The following MARK3 variants were observed in gnomAD, a reference collection of about 807,000 sequenced individuals.
MARK3 encodes the protein microtubule affinity regulating kinase 3.
In MARK3, 46 loss-of-function variants were observed where a neutral mutation model predicts 90.1. The ratio of observed to expected loss-of-function variants is 0.51; its 90% CI spans 0.40 to 0.65. MARK3 has a LOEUF of 0.65. MARK3 is among the 30% of genes least tolerant of loss of function. The pLI, the probability that MARK3 is intolerant of heterozygous loss-of-function variation, is 0.00. For synonymous variants in MARK3, 321 were observed against 332.6 expected, an observed-to-expected ratio of 0.97 and a Z score of 0.38; for missense variants, 818 against 947.2, an observed-to-expected ratio of 0.86 and a Z score of 1.79.
rs138085171 is a variant in MARK3, at chr14:103,466,243, G to C, written c.898-100G>C. On this transcript the variant is annotated intron_variant, in intron 9 of 17. Coordinates refer to ENST00000429436, the MANE Select transcript of MARK3 (RefSeq NM_001128918.3). ...AAAATATTTTTTGAGTTTATGCTTT[G>C]AACGATAGTCAATGAAATGTTGAAA... 1.5e-5 allele frequency: 19 copies of C among 1,306,008 alleles called. No individual in the cohort carries two copies. In the East Asian group the frequency reaches 4.5e-4, roughly 31 times the overall value. 80.9% of individuals were successfully genotyped at this position (1,306,008 alleles called of 1,614,324 possible).
rs532874496 is a variant in MARK3 at position 103,439,817 on chromosome 14, G to A, written c.298-9102G>A. 9.2e-5 allele frequency among the ~76,000 whole-genome samples: 14 copies of A among 151,688 alleles called. No homozygotes were observed. In the East Asian group the frequency reaches 1.6e-3, roughly 17 times the overall value. ...TTTTGTTTTTTTGAGACGGAGTTTC[G>A]CTCTTGTTACCCAGGCTGGAGTACA... is the stretch of plus-strand genomic sequence containing the variant. On this transcript the variant is annotated intron_variant, in intron 3 of 17. Coordinates refer to ENST00000429436, the MANE Select transcript of MARK3 (RefSeq NM_001128918.3).
At chr14:103,449,079 A>G (rs372552409) in intron 4 of MARK3, 112 bp downstream of exon 4, 11 of 1,180,624 alleles carry the variant, frequency 9.3e-6, no homozygotes, top group Middle Eastern at 2.0e-4. Context: ...TAAAATATAT[A>G]TACAAGTTGT....
intron 11 of MARK3, chr14:103,467,694 A>AAAAAAAAAAAAAAAAAAC (rs2093539899): frequency 6.3e-6 from 1 of 159,446 alleles, no homozygotes; most frequent in East Asian, 1.8e-4. Flanking sequence ...AAAAAAAAAA[A>AAAAAAAAAAAAAAAAAAC]AAAGATGGAT....
At chr14:103,459,274 A>T (rs2093345734) in intron 6 of MARK3, among the ~76,000 whole-genome samples, 1 of 152,222 alleles carries the variant, frequency 6.6e-6, no homozygotes, top group Non-Finnish European at 1.5e-5. Flanking sequence ...TCTAATTTTT[A>T]TTGTAAATTC....
intron 1 of MARK3, among the ~76,000 whole-genome samples, chr14:103,390,977 C>G (rs1435078180): frequency 6.6e-6 from 1 of 152,158 alleles, no homozygotes; most frequent in Non-Finnish European, 1.5e-5. Flanking sequence ...TCCCAAAGCA[C>G]TGGAATTACA....
chr14:103,458,232 C>T lies in MARK3; in HGVS notation c.483+1020C>T, dbSNP rs144401975. ...CAGCACTTTGGGAGGCTGAGGTGGG[C>T]GGATCACCTGAGGGTCAGGAGTTCG... is the stretch of plus-strand genomic sequence containing the variant. On this transcript the variant is annotated intron_variant, in intron 6 of 17. Coordinates refer to ENST00000429436, the MANE Select transcript of MARK3 (RefSeq NM_001128918.3). Among the ~76,000 whole-genome samples the T allele has an allele frequency of 3.6e-3, 542 of 151,994 alleles. 5 individuals carry two copies. The highest frequency in any genetic ancestry group is 0.01 in the Middle Eastern group (3 of 294).
rs34245934 is a variant in MARK3 at position 103,415,150 on chromosome 14, CAAAAAAAAA to C, written c.243+9900_243+9908del. On this transcript the variant is annotated intron_variant, in intron 2 of 17. Transcript: ENST00000429436. Reference sequence around the variant, plus strand: ...CTGGCAACAGAGTAAGACCTTGTCTCAAAAAAAAAAAAAAAAAAAAAAAAAGATACTCAT... The same window carrying C: ...CTGGCAACAGAGTAAGACCTTGTCTCAAAAAAAAAAAAAAAAGATACTCAT... 2.3e-3 allele frequency among the ~76,000 whole-genome samples: 85 copies of C among 37,708 alleles called. 3 individuals carry two copies. Among genetic ancestry groups the C allele is most frequent in the African/African-American group, 7.9e-3 (80 of 10,136 alleles). 24.7% of individuals were successfully genotyped at this position (37,708 alleles called of 152,430 possible). A position where few individuals can be genotyped will look rare whatever the true frequency, so the allele number is the denominator to read the frequency against.
In MARK3 at chr14:103,502,883, C is replaced by T. The variant is rs769989777; in HGVS notation, c.1918C>T (p.Arg640Cys). The T allele has an allele frequency of 1.7e-5, 28 of 1,603,672 alleles. 1 individual carries two copies. Among genetic ancestry groups the T allele is most frequent in the East Asian group, 2.2e-5 (1 of 44,676 alleles). Residue 640 changes from arginine (R) to cysteine (C), a missense_variant and splice_region_variant, in exon 18 of 18, where the codon CGC becomes TGC. Physicochemically the swap from Arg to Cys is radical, Grantham distance 180 (BLOSUM62 -3). Coordinates refer to ENST00000429436, the MANE Select transcript of MARK3 (RefSeq NM_001128918.3). ...ERNGRYEGSSRNVSAEQKDEN... is the reference protein window; with the variant it reads ...ERNGRYEGSSCNVSAEQKDEN... ...TAAACCTGCCTCTATGCATTTCAGT[C>T]GCAATGTATCTGCTGAGCAAAAAGA...
At position 103,502,974 on chromosome 14, in the gene MARK3, T is replaced by C; in HGVS notation, c.2009T>C (p.Met670Thr). 1.2e-6 allele frequency: 2 copies of C among 1,614,254 alleles called. No individual in the cohort carries two copies. The highest frequency in any genetic ancestry group is 1.7e-6 in the Non-Finnish European group (2 of 1,180,046). The change falls in exon 18 of 18, where the codon ATG becomes ACG. Residue 670 changes from methionine to threonine, a missense_variant. By Grantham distance (81) the Met-to-Thr change is moderately conservative (BLOSUM62 -1). Transcript: ENST00000429436. ...FTWSMKTTSS[M>T]DPGDMMREIR... ...TGGAGCATGAAAACCACTAGTTCAA[T>C]GGATCCCGGGGACATGATGCGGGAA...
At chr14:103,492,804 C>T (rs906634260) in intron 15 of MARK3, among the ~76,000 whole-genome samples, 1 of 152,072 alleles carries the variant, frequency 6.6e-6, no homozygotes, top group Admixed American at 6.6e-5. Context: ...ATACTGGCTG[C>T]TTCAAGAGGA....
intron 1 of MARK3, among the ~76,000 whole-genome samples, chr14:103,387,615 C>G (rs371663184): frequency 3.7e-4 from 56 of 152,102 alleles, no homozygotes; most frequent in African/African-American, 1.3e-3. Context: ...GCCTCAGCCT[C>G]CCGAGTAGCT....
In MARK3 at chr14:103,503,039, C is replaced by A. The variant is rs895479982; in HGVS notation, c.2074C>A (p.Gln692Lys). 2.5e-6 allele frequency: 4 copies of A among 1,614,234 alleles called. No homozygotes were observed. The highest frequency in any genetic ancestry group is 2.5e-6 in the Non-Finnish European group (3 of 1,180,046). ...GGACGCCAATAACTGCGACTATGAG[C>A]AGAGGGAGCGCTTCTTGCTCTTCTG... ...VLDANNCDYE[Q>K]RERFLLFCVH... The change falls in exon 18 of 18, where the codon CAG (glutamine) becomes AAG (lysine). Residue 692 changes from glutamine to lysine, a missense_variant. By Grantham distance (53) the Gln-to-Lys change is moderately conservative. Around this residue, in one of 3 missense-constraint regions of MARK3, gnomAD observed 560 missense variants for 613.5 expected, o/e 0.91. Transcript: ENST00000429436.
intron 14 of MARK3, 183 bp from the exon 15 acceptor site, chr14:103,491,594 T>G: frequency 3.4e-6 from 2 of 596,920 alleles, no homozygotes; most frequent in South Asian, 2.1e-5. Flanking sequence ...CTTTGTCTCA[T>G]TATGTATTGT....
At chr14:103,440,433 A>T (rs2092821291) in intron 3 of MARK3, among the ~76,000 whole-genome samples, 1 of 152,216 alleles carries the variant, frequency 6.6e-6, no homozygotes, top group Non-Finnish European at 1.5e-5. Context: ...AGTAGTGTGT[A>T]AGAGAGCACA....
chr14:103,425,995 C>T (rs1310062164), intron 2 of MARK3, among the ~76,000 whole-genome samples: 2 of 152,214 alleles, frequency 1.3e-5, no homozygotes, highest in Non-Finnish European at 2.9e-5. Context: ...GTACATAATG[C>T]AGCCATTCTC....
In MARK3 at chr14:103,465,707, G is replaced by A. The variant is rs1415275487; in HGVS notation, c.691G>A (p.Gly231Arg). ...PELFQGKKYD[G>R]PEVDVWSLGV... is the part of the protein sequence containing the mutation. The stretch of plus-strand genomic sequence containing the variant: ...GCTCTTCCAGGGCAAGAAATATGAC[G>A]GGCCAGAAGTGGATGTGTGGAGTCT... Residue 231 changes from glycine (G) to arginine (R), a missense_variant, in exon 8 of 18, where the codon GGG (glycine) becomes AGG (arginine). Coordinates refer to ENST00000429436, the MANE Select transcript of MARK3 (RefSeq NM_001128918.3). 4 of 1,614,104 alleles carry A rather than the reference G, an allele frequency of 2.5e-6. No homozygotes were observed. The highest frequency in any genetic ancestry group is 1.6e-4 in the Middle Eastern group (1 of 6,062).
intron 13 of MARK3, among the ~76,000 whole-genome samples, chr14:103,475,829 C>T (rs2093704901): frequency 6.6e-6 from 1 of 151,886 alleles, no homozygotes; most frequent in Non-Finnish European, 1.5e-5. Context: ...CCTGTAATCC[C>T]AGCTGCTCAG....
chr14:103,469,410 G>GAACCA (rs2093582762), intron 12 of MARK3: 3 of 152,104 alleles, frequency 2.0e-5, no homozygotes, highest in Admixed American at 6.6e-5. Flanking sequence ...TTGAACTTGG[G>GAACCA]AGCTCAAGCA....
intron 3 of MARK3, among the ~76,000 whole-genome samples, chr14:103,446,453 C>T (rs961677346): frequency 6.6e-6 from 1 of 151,922 alleles, no homozygotes; most frequent in Non-Finnish European, 1.5e-5. Context: ...ACCTGGGAGG[C>T]GGAGGTTGCA....
Sources: allele counts gnomAD v4.1 joint callset (sites outside exome capture counted in the v4.1 genomes callset), GRCh38; gene constraint gnomAD v4.1.1; regional missense constraint gnomAD v4.1.1; transcripts MANE v1.5; gene names NCBI Gene and HGNC (gene_info 2026-07-23, HGNC 2026-07-21).